The following FMNL2 variants were observed in gnomAD, a reference collection of about 807,000 sequenced individuals.
FMNL2 encodes the protein formin-like protein 2.
In FMNL2, 51 loss-of-function variants were observed where a neutral mutation model predicts 130.2. The observed-to-expected ratio is 0.39, with a 90% CI of 0.31 to 0.49. The LOEUF is 0.49. Ranked by LOEUF, FMNL2 falls within the 20% of genes least tolerant of loss-of-function variation. FMNL2 has a pLI of 0.85. For missense variants in FMNL2, 977 were observed against 1,316.2 expected, an observed-to-expected ratio of 0.74 and a Z score of 3.99; for synonymous variants, 465 against 467.1, an observed-to-expected ratio of 1.00 and a Z score of 0.06.
At chr2:152,442,258 C>CT (rs970234863) in intron 1 of FMNL2, among the ~76,000 whole-genome samples, 36 of 146,750 alleles carry the variant, frequency 2.5e-4, no homozygotes, top group African/African-American at 3.7e-4. Context: ...TTTTCTTTTT[C>CT]TTTTTTTTTT....
At chr2:152,567,776 C>T (rs1275818748) in intron 6 of FMNL2, among the ~76,000 whole-genome samples, 4 of 152,122 alleles carry the variant, frequency 2.6e-5, no homozygotes, top group Admixed American at 6.6e-5. Flanking sequence ...TGTCAGCTTC[C>T]GAGGGAGTTC....
chr2:152,381,764 A>G (rs1684475733), intron 1 of FMNL2, among the ~76,000 whole-genome samples: 1 of 152,032 alleles, frequency 6.6e-6, no homozygotes, highest in South Asian at 2.1e-4. Flanking sequence ...GCTTTAAGAA[A>G]CTCGATAACT....
intron 1 of FMNL2, among the ~76,000 whole-genome samples, chr2:152,359,447 A>G (rs978706488): frequency 6.7e-6 from 1 of 149,656 alleles, no homozygotes. Flanking sequence ...TCATCATTTA[A>G]TTTCACAGTT....
At position 152,617,077 on chromosome 2, in the gene FMNL2, T is replaced by G; in HGVS notation, c.1213-14T>G. 1 of 1,613,000 alleles carries G rather than the reference T, an allele frequency of 6.2e-7. No individual in the cohort carries two copies. The highest frequency in any genetic ancestry group is 1.7e-4 in the Middle Eastern group (1 of 6,054). On this transcript the variant is annotated splice_polypyrimidine_tract_variant and intron_variant, in intron 12 of 25. Coordinates refer to ENST00000288670, the MANE Select transcript of FMNL2 (RefSeq NM_052905.4). ...ATCCTGTATTGTGACAGCTTTCTTT[T>G]CAAAATTTTACAGTTATCTGAAAAA... is the stretch of plus-strand genomic sequence containing the variant.
chr2:152,591,869 C>T (rs1697463775), intron 9 of FMNL2, among the ~76,000 whole-genome samples: 1 of 152,058 alleles, frequency 6.6e-6, no homozygotes, highest in African/African-American at 2.4e-5. Context: ...CTTTGGGAGG[C>T]TGAGGCAGGT....
chr2:152,339,194 A>AT (rs11440524), intron 1 of FMNL2, among the ~76,000 whole-genome samples: 73,249 of 151,342 alleles, frequency 0.48, 19,683 homozygotes, highest in Non-Finnish European at 0.62. Context: ...TTATTTCATG[A>AT]TTTTTTTTTA....
chr2:152,615,086 T>G, intron 12 of FMNL2, 86 bp downstream of exon 12: 1 of 1,487,462 alleles, frequency 6.7e-7, no homozygotes, highest in Non-Finnish European at 9.2e-7. Flanking sequence ...GGTGGTAAAT[T>G]TAAGGATTTG....
chr2:152,438,388 G>A (rs1240735922), intron 1 of FMNL2, among the ~76,000 whole-genome samples: 1 of 152,210 alleles, frequency 6.6e-6, no homozygotes, highest in Admixed American at 6.5e-5. Context: ...AGTGGGTGAT[G>A]CAGGTTCTAA....
At chr2:152,518,754 C>G (rs545313811) in intron 1 of FMNL2, among the ~76,000 whole-genome samples, 1 of 152,288 alleles carries the variant, frequency 6.6e-6, no homozygotes, top group South Asian at 2.1e-4. Flanking sequence ...GCCATCGACC[C>G]CATCTAAGCT....
At chr2:152,611,640 G>A in intron 11 of FMNL2, 35 bp downstream of exon 11, 2 of 1,362,468 alleles carry the variant, frequency 1.5e-6, no homozygotes, top group Admixed American at 1.9e-5. Context: ...TCCAATATAA[G>A]AATTGACTTA....
chr2:152,510,819 CTGGGCT>C (rs1262782705), intron 1 of FMNL2, among the ~76,000 whole-genome samples: 1 of 152,146 alleles, frequency 6.6e-6, no homozygotes, highest in Admixed American at 6.5e-5. Flanking sequence ...CCTATCTTGG[CTGGGCT>C]TGTCTGGAGA....
chr2:152,448,978 G>A (rs1463521885), intron 1 of FMNL2, among the ~76,000 whole-genome samples: 1 of 152,154 alleles, frequency 6.6e-6, no homozygotes, highest in African/African-American at 2.4e-5. Context: ...ACCTGTGCCT[G>A]GCAAAGCCAT....
intron 1 of FMNL2, among the ~76,000 whole-genome samples, chr2:152,467,584 G>A (rs1035999441): frequency 1.1e-4 from 17 of 152,140 alleles, no homozygotes; most frequent in African/African-American, 3.6e-4. Flanking sequence ...CCGTGCACTC[G>A]TTTGGATAGT....
rs188513897 is a variant in FMNL2, at chr2:152,438,992, G to T, written c.118-82951G>T. Among the ~76,000 whole-genome samples, 91 of 151,980 alleles carry T rather than the reference G, an allele frequency of 6.0e-4. 2 individuals are homozygous for T. Among genetic ancestry groups the T allele is most frequent in the Admixed American group, 5.2e-3 (79 of 15,236 alleles). ...GGGATTGGAAACATAACCAATTTAA[G>T]ATCTCTTTAGTTACTTGAAAAGAAA... On this transcript the variant is annotated intron_variant, in intron 1 of 25. Transcript: ENST00000288670.
At chr2:152,359,939 A>G (rs1326552545) in intron 1 of FMNL2, among the ~76,000 whole-genome samples, 2 of 152,220 alleles carry the variant, frequency 1.3e-5, no homozygotes, top group Non-Finnish European at 2.9e-5. Flanking sequence ...CATTTGAACT[A>G]GGCACACATT....
chr2:152,647,504 G>A (rs968240912), intron 25 of FMNL2, among the ~76,000 whole-genome samples: 1 of 152,046 alleles, frequency 6.6e-6, no homozygotes, highest in African/African-American at 2.4e-5. Flanking sequence ...TCTAATTTAA[G>A]AAACATTTCA....
chr2:152,611,644 T>C (rs748531631), intron 11 of FMNL2, 39 bp downstream of exon 11: 1 of 1,316,612 alleles, frequency 7.6e-7, no homozygotes, highest in South Asian at 1.2e-5. Flanking sequence ...ATATAAGAAT[T>C]GACTTATTAT....
chr2:152,628,454 A>G lies in FMNL2; in HGVS notation c.2321A>G (p.Lys774Arg). The G allele has an allele frequency of 6.2e-7, 1 of 1,614,050 alleles. No individual in the cohort carries two copies. ...GATCGGTTCATGATGCAGTTTAGTA[A>G]AATCGAGAGGCTCATGCAGAAGATG... ...DEDRFMMQFS[K>R]IERLMQKMTI... Residue 774 changes from lysine (K) to arginine (R), a missense_variant, in exon 18 of 26, where the codon AAA (lysine) becomes AGA (arginine). Lys to Arg is a conservative substitution (Grantham distance 26). Transcript: ENST00000288670.
chr2:152,455,647 A>G (rs1688904688), intron 1 of FMNL2, among the ~76,000 whole-genome samples: 1 of 152,244 alleles, frequency 6.6e-6, no homozygotes, highest in Admixed American at 6.5e-5. Flanking sequence ...GATGACAAAC[A>G]TAAGCAGGTA....
Sources: allele counts gnomAD v4.1 joint callset (sites outside exome capture counted in the v4.1 genomes callset), GRCh38; gene constraint gnomAD v4.1.1; transcripts MANE v1.5; gene names NCBI Gene and HGNC (gene_info 2026-07-23, HGNC 2026-07-21).